Variants in GAB2 observed in about 807,000 individuals in gnomAD.
GAB2 encodes GRB2-associated-binding protein 2.
GAB2 carries 26 observed loss-of-function variants against 65.5 expected under a neutral mutation model. The observed-to-expected ratio is 0.40, with a 90% confidence interval of 0.29 to 0.55. GAB2 has a LOEUF of 0.55. Ranked by LOEUF, GAB2 falls within the 20% of genes least tolerant of loss-of-function variation. The pLI, the probability that GAB2 is intolerant of heterozygous loss-of-function variation, is 0.53. For synonymous variants in GAB2, 321 were observed against 329.6 expected, an observed-to-expected ratio of 0.97 and a Z score of 0.28; for missense variants, 884 against 875.8, an observed-to-expected ratio of 1.01 and a Z score of -0.12.
At chr11:78,365,710 T>C (rs566135764) in intron 1 of GAB2, among the ~76,000 whole-genome samples, 3 of 152,338 alleles carry the variant, frequency 2.0e-5, no homozygotes, top group African/African-American at 7.2e-5. Flanking sequence ...ATTCATCATC[T>C]TCTCACTCCC....
At chr11:78,241,586 A>G (rs992998825) in intron 3 of GAB2, among the ~76,000 whole-genome samples, 14 of 151,496 alleles carry the variant, frequency 9.2e-5, no homozygotes, top group African/African-American at 3.2e-4. Flanking sequence ...TCACAATATG[A>G]ACAAAAAAAT....
chr11:78,335,708 G>A (rs1016861501), intron 1 of GAB2, among the ~76,000 whole-genome samples: 1 of 152,148 alleles, frequency 6.6e-6, no homozygotes, highest in Non-Finnish European at 1.5e-5. Context: ...GCTTGGGATA[G>A]CTTTGGTTAT....
intron 1 of GAB2, among the ~76,000 whole-genome samples, chr11:78,340,432 C>G (rs1856072388): frequency 6.6e-6 from 1 of 152,056 alleles, no homozygotes; most frequent in Non-Finnish European, 1.5e-5. Context: ...TCTCATGGAC[C>G]CTTATTTTTC....
At chr11:78,358,469 A>AATG (rs1856390950) in intron 1 of GAB2, among the ~76,000 whole-genome samples, 1 of 144,976 alleles carries the variant, frequency 6.9e-6, no homozygotes, top group Non-Finnish European at 1.5e-5. Flanking sequence ...TAATAATAAT[A>AATG]ATAATAAAGT....
At chr11:78,384,903 G>A (rs1288750736) in intron 1 of GAB2, among the ~76,000 whole-genome samples, 1 of 152,194 alleles carries the variant, frequency 6.6e-6, no homozygotes, top group Non-Finnish European at 1.5e-5. Context: ...CTGAGTCCCA[G>A]AGTTTATTGA....
chr11:78,405,453 A>G (rs1490169262), intron 1 of GAB2, among the ~76,000 whole-genome samples: 8 of 152,162 alleles, frequency 5.3e-5, no homozygotes, highest in Non-Finnish European at 1.0e-4. Flanking sequence ...TCTGCTACTT[A>G]CTATATGTGT....
chr11:78,354,042 C>T (rs1281766410), intron 1 of GAB2, among the ~76,000 whole-genome samples: 2 of 152,182 alleles, frequency 1.3e-5, no homozygotes, highest in East Asian at 1.9e-4. Flanking sequence ...GATGTTGGTG[C>T]TGTTGGTCCA....
At chr11:78,369,581 T>A (rs1346347702) in intron 1 of GAB2, among the ~76,000 whole-genome samples, 1 of 152,220 alleles carries the variant, frequency 6.6e-6, no homozygotes, top group Non-Finnish European at 1.5e-5. Context: ...GAGTCTTTCA[T>A]CTGCAAAACA....
chr11:78,289,662 G>C (rs1170855528), intron 1 of GAB2, among the ~76,000 whole-genome samples: 3 of 152,044 alleles, frequency 2.0e-5, no homozygotes, highest in Non-Finnish European at 4.4e-5. Context: ...TAATACGCTA[G>C]TAGACCACTG....
At chr11:78,246,921 C>T (rs1026423884) in intron 3 of GAB2, among the ~76,000 whole-genome samples, 1 of 152,206 alleles carries the variant, frequency 6.6e-6, no homozygotes, top group African/African-American at 2.4e-5. Flanking sequence ...GCACTCGATT[C>T]GGTTTGTCCC....
chr11:78,333,611 AG>A (rs1208525191), intron 1 of GAB2, among the ~76,000 whole-genome samples: 1 of 152,206 alleles, frequency 6.6e-6, no homozygotes, highest in Non-Finnish European at 1.5e-5. Flanking sequence ...ATGTGAAGAC[AG>A]ACTGAAAAAC....
At chr11:78,330,526 T>C (rs534946368) in intron 1 of GAB2, among the ~76,000 whole-genome samples, 2 of 152,108 alleles carry the variant, frequency 1.3e-5, no homozygotes, top group Admixed American at 1.3e-4. Flanking sequence ...TGTCAACATG[T>C]GAAAGAAGGG....
chr11:78,264,831 G>A (rs933542488), intron 2 of GAB2, among the ~76,000 whole-genome samples: 1 of 152,024 alleles, frequency 6.6e-6, no homozygotes, highest in Non-Finnish European at 1.5e-5. Flanking sequence ...TTTGAGTTTG[G>A]GCAAAACAGA....
chr11:78,322,176 G>T (rs55991545), intron 1 of GAB2, among the ~76,000 whole-genome samples: 1 of 150,822 alleles, frequency 6.6e-6, no homozygotes, highest in Non-Finnish European at 1.5e-5. Flanking sequence ...GTGGTGGTAC[G>T]TGCCTGTAAT....
intron 1 of GAB2, among the ~76,000 whole-genome samples, chr11:78,369,891 T>G (rs965999087): frequency 5.9e-5 from 9 of 152,198 alleles, no homozygotes; most frequent in Non-Finnish European, 1.5e-5. Flanking sequence ...GTTTTTTGTT[T>G]GTTTGTTTTA....
chr11:78,410,261 T>C lies in GAB2; in HGVS notation c.75+7385A>G, dbSNP rs555970967. Among the ~76,000 whole-genome samples the C allele has an allele frequency of 2.0e-5, 3 of 152,326 alleles. No homozygotes were observed. The South Asian group carries it at 6.2e-4, about 32-fold the overall frequency. ...GCTCATGCCTGTAATTGCAGCACTT[T>C]GGGAGGCCAAAGCAGGCAGATCACT... is the stretch of plus-strand genomic sequence containing the variant. On this transcript the variant is annotated intron_variant, in intron 1 of 9. Coordinates refer to ENST00000361507, the MANE Select transcript of GAB2 (RefSeq NM_080491.3).
At chr11:78,391,287 T>A (rs1165356236) in intron 1 of GAB2, among the ~76,000 whole-genome samples, 1 of 152,038 alleles carries the variant, frequency 6.6e-6, no homozygotes, top group African/African-American at 2.4e-5. Context: ...AGAGACCCTG[T>A]CTCTAAATTA....
chr11:78,223,327 G>A (rs1349532416), intron 6 of GAB2, 85 bp downstream of exon 6: 1 of 1,180,486 alleles, frequency 8.5e-7, no homozygotes, highest in African/African-American at 1.6e-5. Flanking sequence ...CACCTCTCAA[G>A]TCCAGGATCC....
At chr11:78,271,506 G>A (rs1249168570) in intron 2 of GAB2, among the ~76,000 whole-genome samples, 1 of 151,988 alleles carries the variant, frequency 6.6e-6, no homozygotes, top group Non-Finnish European at 1.5e-5. Flanking sequence ...TTCACTCCTG[G>A]TCTGGTCTTG....
Sources: gnomAD v4.1 joint callset for allele counts (sites outside exome capture counted in the v4.1 genomes callset) on GRCh38, gnomAD v4.1.1 for gene constraint, MANE v1.5 for transcripts, NCBI Gene and HGNC (gene_info 2026-07-23, HGNC 2026-07-21) for gene names.